MAPK4: variants seen among roughly 807,000 people sequenced by gnomAD.
MAPK4 encodes mitogen-activated protein kinase 4, also known as Erk3-related.
MAPK4 carries 22 observed loss-of-function variants against 47.7 expected under a neutral mutation model. The ratio of observed to expected loss-of-function variants is 0.46; its 90% CI spans 0.33 to 0.66. The LOEUF is 0.66. Ranked by LOEUF, MAPK4 falls within the 30% of genes least tolerant of loss-of-function variation. MAPK4 has a pLI of 0.02. For synonymous variants in MAPK4, 390 were observed against 365.7 expected (o/e 1.07, Z -0.76); for missense variants, 736 against 831.7 (o/e 0.88, Z 1.42).
intron 1 of MAPK4, among the ~76,000 whole-genome samples, chr18:50,662,352 G>A (rs1438209648): frequency 6.6e-6 from 1 of 152,210 alleles, no homozygotes; most frequent in African/African-American, 2.4e-5. Flanking sequence ...TGAGTCAACA[G>A]CCACCAGAGG....
rs570721822 is a variant in MAPK4, at chr18:50,664,951, C to A, written c.546+447C>A. On this transcript the variant is annotated intron_variant, in intron 2 of 5. Coordinates refer to ENST00000400384, the MANE Select transcript of MAPK4 (RefSeq NM_002747.4). This position sits in a 1 kb window ranked among gnomAD's most constrained non-coding sequence, Gnocchi z 6.0. The stretch of plus-strand genomic sequence containing the variant: ...GTTGGTCTCACCTCCCTCATCCCAT[C>A]CAAGCTGACCCATTCGGTGTCCATT... 6.6e-6 allele frequency among the ~76,000 whole-genome samples: 1 copy of A among 152,300 alleles called. No individual in the cohort carries two copies. Among genetic ancestry groups the A allele is most frequent in the East Asian group, 1.9e-4 (1 of 5,178 alleles).
chr18:50,659,762 C>T (rs1232306293), intron 1 of MAPK4, among the ~76,000 whole-genome samples: 2 of 152,202 alleles, frequency 1.3e-5, no homozygotes, highest in Non-Finnish European at 2.9e-5. Flanking sequence ...GTGAGAGTTC[C>T]ATGCATTCCT....
At chr18:50,619,906 A>G (rs907729475) in intron 1 of MAPK4, among the ~76,000 whole-genome samples, 14 of 152,352 alleles carry the variant, frequency 9.2e-5, no homozygotes, top group African/African-American at 3.4e-4. Flanking sequence ...GTGGGTCCAC[A>G]GGGAGGCTGG....
chr18:50,567,885 A>G (rs1568029473), intron 1 of MAPK4, among the ~76,000 whole-genome samples: 1 of 151,798 alleles, frequency 6.6e-6, no homozygotes, highest in African/African-American at 2.4e-5. Flanking sequence ...CTGATCTCAT[A>G]GGTATAGTGG....
chr18:50,687,534 C>G (rs1908951790), intron 2 of MAPK4, among the ~76,000 whole-genome samples: 1 of 151,996 alleles, frequency 6.6e-6, no homozygotes, highest in South Asian at 2.1e-4. Flanking sequence ...CTCAGCCTGA[C>G]CTCTTTGTGC....
In MAPK4 at chr18:50,664,617, T is replaced by C; in HGVS notation, c.546+113T>C. 6 of 1,212,168 alleles carry C rather than the reference T, an allele frequency of 4.9e-6. No homozygotes were observed. In the South Asian group the frequency reaches 9.1e-5, roughly 18 times the overall value. 75.1% of individuals were successfully genotyped at this position (1,212,168 alleles called of 1,614,324 possible). ...GTAGTCAGAGGACTAGAGTTAGTAA[T>C]TAGGGGAGGCTGGAGGGTGCTAGGA... On this transcript the variant is annotated intron_variant, in intron 2 of 5. Coordinates refer to ENST00000400384, the MANE Select transcript of MAPK4 (RefSeq NM_002747.4). This position sits in a 1 kb window ranked among gnomAD's most constrained non-coding sequence, Gnocchi z 6.0.
chr18:50,598,828 A>G (rs2042508454), intron 1 of MAPK4, among the ~76,000 whole-genome samples: 1 of 152,064 alleles, frequency 6.6e-6, no homozygotes. Context: ...CCCTGAAGCT[A>G]GGTTTGTCTG....
chr18:50,647,796 C>A (rs1436588847), intron 1 of MAPK4, among the ~76,000 whole-genome samples: 1 of 152,086 alleles, frequency 6.6e-6, no homozygotes, highest in African/African-American at 2.4e-5. Context: ...ACCATTCATT[C>A]CACATGTTCC....
intron 1 of MAPK4, among the ~76,000 whole-genome samples, chr18:50,610,317 C>T (rs967611132): frequency 2.0e-5 from 3 of 152,194 alleles, no homozygotes; most frequent in Admixed American, 2.0e-4. Flanking sequence ...TGGCTGGTGT[C>T]GGTATCTTAG....
intron 2 of MAPK4, among the ~76,000 whole-genome samples, chr18:50,668,164 G>A (rs749247956): frequency 1.8e-4 from 27 of 152,172 alleles, no homozygotes; most frequent in Non-Finnish European, 4.0e-4. Context: ...AAACAGCCAG[G>A]TGAAAAGATA....
At chr18:50,603,909 T>C (rs1242785824) in intron 1 of MAPK4, among the ~76,000 whole-genome samples, 1 of 152,196 alleles carries the variant, frequency 6.6e-6, no homozygotes, top group East Asian at 1.9e-4. Flanking sequence ...CTTTACTCAT[T>C]GGGGCCTTTA....
intron 2 of MAPK4, among the ~76,000 whole-genome samples, chr18:50,683,812 T>G (rs1259282392): frequency 6.6e-6 from 1 of 151,994 alleles, no homozygotes; most frequent in African/African-American, 2.4e-5. Flanking sequence ...CACAGCTGGA[T>G]GTAGGGTGGC....
At chr18:50,597,667 C>T (rs573941401) in intron 1 of MAPK4, among the ~76,000 whole-genome samples, 100 of 152,170 alleles carry the variant, frequency 6.6e-4, no homozygotes, top group Non-Finnish European at 1.2e-3. Context: ...GACCAGGAGG[C>T]ACCCCCAGGA....
chr18:50,574,693 C>G (rs2042279611), intron 1 of MAPK4, among the ~76,000 whole-genome samples: 1 of 152,184 alleles, frequency 6.6e-6, no homozygotes, highest in Non-Finnish European at 1.5e-5. Context: ...AAAGGCTGTA[C>G]TGAGCTTATT....
intron 1 of MAPK4, among the ~76,000 whole-genome samples, chr18:50,600,726 T>C (rs1184144307): frequency 2.0e-5 from 3 of 152,092 alleles, no homozygotes; most frequent in Non-Finnish European, 4.4e-5. Flanking sequence ...CTTGGTGATA[T>C]ACATTTATCA....
At chr18:50,574,241 A>G (rs1292459289) in intron 1 of MAPK4, among the ~76,000 whole-genome samples, 1 of 152,192 alleles carries the variant, frequency 6.6e-6, no homozygotes, top group East Asian at 1.9e-4. Context: ...TGTCTAGTAC[A>G]TTATGGCACA....
At chr18:50,640,616 C>T (rs1188426384) in intron 1 of MAPK4, among the ~76,000 whole-genome samples, 1 of 152,146 alleles carries the variant, frequency 6.6e-6, no homozygotes. Flanking sequence ...CAGGTGTGCG[C>T]CACCACGTCT....
At chr18:50,600,754 A>C (rs1214815775) in intron 1 of MAPK4, among the ~76,000 whole-genome samples, 1 of 151,958 alleles carries the variant, frequency 6.6e-6, no homozygotes, top group Non-Finnish European at 1.5e-5. Flanking sequence ...TCTTTATTTG[A>C]TTGATTTTAG....
At chr18:50,721,541 C>T (rs895712188) in intron 3 of MAPK4, among the ~76,000 whole-genome samples, 2 of 152,150 alleles carry the variant, frequency 1.3e-5, no homozygotes, top group African/African-American at 4.8e-5. Flanking sequence ...TGGCTCATTC[C>T]CAGCCTTAAA....
Sources: gnomAD v4.1 joint callset for allele counts (sites outside exome capture counted in the v4.1 genomes callset) on GRCh38, gnomAD v4.1.1 for gene constraint, Gnocchi (gnomAD v3.1) non-coding constraint, MANE v1.5 for transcripts, NCBI Gene and HGNC (gene_info 2026-07-23, HGNC 2026-07-21) for gene names.